The following MRC2 variants were observed in gnomAD, a reference collection of about 807,000 sequenced individuals.
The protein encoded by MRC2 is mannose receptor C-type 2.
A neutral mutation model predicts 206.2 loss-of-function variants in MRC2; 84 were observed. The observed-to-expected ratio is 0.41, with a 90% confidence interval of 0.34 to 0.49. MRC2 has a LOEUF of 0.49. Among genes scored for constraint, MRC2 ranks in the 20% least tolerant of loss-of-function variants. MRC2 has a pLI of 0.31. For missense variants in MRC2, 1,676 were observed against 2,001.5 expected, an observed-to-expected ratio of 0.84 and a Z score of 3.10; for synonymous variants, 798 against 800.0, an observed-to-expected ratio of 1.00 and a Z score of 0.04.
At chr17:62,634,564 G>T (rs1357330945) in intron 1 of MRC2, among the ~76,000 whole-genome samples, 1 of 152,246 alleles carries the variant, frequency 6.6e-6, no homozygotes, top group Non-Finnish European at 1.5e-5. Flanking sequence ...CTCCCAAAGT[G>T]CTGGGATTAC....
chr17:62,639,989 G>A (rs1035277877), intron 1 of MRC2, among the ~76,000 whole-genome samples: 1 of 147,028 alleles, frequency 6.8e-6, no homozygotes, highest in Admixed American at 6.8e-5. Flanking sequence ...GAGTAGCTGG[G>A]ATTACAGGCA....
At chr17:62,657,743 G>C (rs2460302) in intron 1 of MRC2, among the ~76,000 whole-genome samples, 77,682 of 151,966 alleles carry the variant, frequency 0.51, 21,516 homozygotes, top group East Asian at 0.81. Context: ...ATGAAGCACG[G>C]GTACAAAGAA....
rs530780586 is a variant in MRC2, at chr17:62,681,294, T to C, written c.2702+165T>C. On this transcript the variant is annotated intron_variant, in intron 18 of 29. Transcript: ENST00000303375. ...GGGCCTTGGTTTTCTCATCTGAAAATGGGAATATGAGGCCTGCCTGGTAAG... is the reference window on the plus strand; with the variant it reads ...GGGCCTTGGTTTTCTCATCTGAAAACGGGAATATGAGGCCTGCCTGGTAAG... 10 of 776,406 alleles carry C rather than the reference T, an allele frequency of 1.3e-5. No homozygotes were observed. In the East Asian group the frequency reaches 1.9e-4, roughly 15 times the overall value. The allele number at this position is 776,406 out of a possible 1,614,324, so 48.1% of individuals were successfully genotyped here.
chr17:62,644,606 T>C lies in MRC2; in HGVS notation c.118+16686T>C, dbSNP rs1004186077. 3.3e-5 allele frequency among the ~76,000 whole-genome samples: 5 copies of C among 152,286 alleles called. No individual in the cohort carries two copies. In the South Asian group the frequency reaches 8.3e-4, roughly 25 times the overall value. Reference sequence around the variant, plus strand: ...TGGAGTGGCAGCGGGCATCTTTTGCTTGTGATCAGTCAGTCACGTGACCCC... The same window carrying C: ...TGGAGTGGCAGCGGGCATCTTTTGCCTGTGATCAGTCAGTCACGTGACCCC... On this transcript the variant is annotated intron_variant, in intron 1 of 29. Coordinates refer to ENST00000303375, the MANE Select transcript of MRC2 (RefSeq NM_006039.5).
chr17:62,680,694 C>A lies in MRC2; in HGVS notation c.2474-106C>A. 1 of 1,349,546 alleles carries A rather than the reference C, an allele frequency of 7.4e-7. No individual in the cohort carries two copies. Among genetic ancestry groups the A allele is most frequent in the Non-Finnish European group, 9.6e-7 (1 of 1,036,664 alleles). The allele number at this position is 1,349,546 out of a possible 1,614,324, so 83.6% of individuals were successfully genotyped here. A position where few individuals can be genotyped will look rare whatever the true frequency, so the allele number is the denominator to read the frequency against. On this transcript the variant is annotated intron_variant, in intron 16 of 29. Transcript: ENST00000303375. The surrounding 1 kb of genome is among the most constrained non-coding windows in gnomAD (Gnocchi z 4.8). ...CCTGGGTCCGGTGTGCCTGCAGGCT[C>A]GCCTGCTGCCGCCTGGCTCTGCCCC...
At position 62,688,587 on chromosome 17, in the gene MRC2, C is replaced by T; in HGVS notation, c.3148C>T (p.Gln1050Ter). 6.2e-7 allele frequency: 1 copy of T among 1,614,244 alleles called. No individual in the cohort carries two copies. Among genetic ancestry groups the T allele is most frequent in the Non-Finnish European group, 8.5e-7 (1 of 1,180,044 alleles). The change falls in exon 22 of 30, where the codon CAG becomes TAG. Residue 1050 changes from glutamine (Q) to a stop codon, truncating the protein, a stop_gained. Coordinates refer to ENST00000303375, the MANE Select transcript of MRC2 (RefSeq NM_006039.5). LOFTEE classifies it high-confidence loss of function. Reference sequence around the variant, plus strand: ...GCAGAGGGACTTCCAGTGGGTGGAGCAGGAGCCTTTGATGTATGCCAACTG... The same window carrying T: ...GCAGAGGGACTTCCAGTGGGTGGAGTAGGAGCCTTTGATGTATGCCAACTG... The part of the protein sequence containing the change: ...ASQRDFQWVE[Q>*]EPLMYANWAP...
At chr17:62,677,624 T>A (rs1044155240) in intron 12 of MRC2, 138 bp downstream of exon 12, 1 of 727,840 alleles carries the variant, frequency 1.4e-6, no homozygotes, top group Non-Finnish European at 2.2e-6. Context: ...GTGAGACTTG[T>A]CCATGGAATC....
intron 20 of MRC2, among the ~76,000 whole-genome samples, chr17:62,685,275 A>T (rs1260412639): frequency 6.6e-6 from 1 of 152,166 alleles, no homozygotes; most frequent in East Asian, 1.9e-4. Context: ...CTCTCTAGAG[A>T]TCACAGCTAT....
Position 62,688,882 on chromosome 17 carries a change from T to G in MRC2, c.3256T>G (p.Ser1086Ala). The change falls in exon 23 of 30, where the codon TCA becomes GCA. Residue 1086 changes from serine (S) to alanine (A), a missense_variant. Ser to Ala is a moderately conservative substitution (Grantham distance 99, BLOSUM62 1). This residue lies in a region of MRC2 where 1,354 missense variants were observed against 1,636.6 expected (regional missense o/e 0.83). Transcript: ENST00000303375. ...TSCAVVLHSP[S>A]AHFTGRWDDR... Reference sequence around the variant, plus strand: ...CTGTGCAGTGGTCCTGCACAGCCCCTCAGCCCACTTCACTGGCCGCTGGGA... The same window carrying G: ...CTGTGCAGTGGTCCTGCACAGCCCCGCAGCCCACTTCACTGGCCGCTGGGA... 6.2e-7 allele frequency: 1 copy of G among 1,613,074 alleles called. No individual in the cohort carries two copies. The highest frequency in any genetic ancestry group is 8.5e-7 in the Non-Finnish European group (1 of 1,179,876).
chr17:62,689,257 ACCT>A (rs2089070668), intron 23 of MRC2: 1 of 583,816 alleles, frequency 1.7e-6, no homozygotes, highest in Non-Finnish European at 3.0e-6. Context: ...GGTCCAAGAC[ACCT>A]CCAGCTCCAT....
chr17:62,681,686 A>C, intron 18 of MRC2, 151 bp from the exon 19 acceptor site: 1 of 642,024 alleles, frequency 1.6e-6, no homozygotes, highest in Non-Finnish European at 2.7e-6. Context: ...GACTGCCCTG[A>C]GCTCAGTAGC....
At chr17:62,688,452 C>A in intron 21 of MRC2, 49 bp downstream of exon 21, 2 of 1,614,146 alleles carry the variant, frequency 1.2e-6, no homozygotes, top group Non-Finnish European at 1.7e-6. Flanking sequence ...CACTGTCCCC[C>A]CAAATAGCTA....
intron 1 of MRC2, among the ~76,000 whole-genome samples, chr17:62,628,259 C>G (rs1297267796): frequency 6.6e-6 from 1 of 152,076 alleles, no homozygotes; most frequent in Non-Finnish European, 1.5e-5. Flanking sequence ...GGCGCCGGCC[C>G]GTCCTCGGCA....
intron 1 of MRC2, among the ~76,000 whole-genome samples, chr17:62,637,488 A>T (rs1420020601): frequency 6.6e-6 from 1 of 151,488 alleles, no homozygotes; most frequent in Non-Finnish European, 1.5e-5. Context: ...GTGAGCTGAG[A>T]TCACGCCATT....
chr17:62,686,584 GT>G (rs1265102562), intron 20 of MRC2, among the ~76,000 whole-genome samples: 2 of 152,204 alleles, frequency 1.3e-5, no homozygotes, highest in Non-Finnish European at 2.9e-5. Flanking sequence ...GGGACCCCTG[GT>G]TTGTGGGACA....
In MRC2 at chr17:62,690,324, GCCCACAC is replaced by G. The variant is rs1258706935; in HGVS notation, c.3892+20_3892+26del. The G allele has an allele frequency of 1.3e-6, 2 of 1,592,894 alleles. No individual in the cohort carries two copies. Among genetic ancestry groups the G allele is most frequent in the Middle Eastern group, 1.7e-4 (1 of 5,824 alleles). Reference sequence around the variant, plus strand: ...CAGAGAGGTGGGTGACCAGGCCAGAGCCCACACATGGCGGGCAGGTGGCACCTCCTCT... The same window carrying G: ...CAGAGAGGTGGGTGACCAGGCCAGAGATGGCGGGCAGGTGGCACCTCCTCT... On this transcript the variant is annotated intron_variant, in intron 26 of 29. Transcript: ENST00000303375.
chr17:62,655,655 G>T (rs1204043256), intron 1 of MRC2, among the ~76,000 whole-genome samples: 1 of 147,530 alleles, frequency 6.8e-6, no homozygotes, highest in Non-Finnish European at 1.5e-5. Flanking sequence ...GGAATTCAAG[G>T]CTGCAGTGAG....
chr17:62,666,666 C>A lies in MRC2; in HGVS notation c.859+47C>A. Reference sequence around the variant, plus strand: ...GCTCGTGCCTCTGGAGGGCCCGGGCCCTTTCCGCTTGTGGGTTGGGGAGAG... The same window carrying A: ...GCTCGTGCCTCTGGAGGGCCCGGGCACTTTCCGCTTGTGGGTTGGGGAGAG... On this transcript the variant is annotated intron_variant, in intron 4 of 29. Coordinates refer to ENST00000303375, the MANE Select transcript of MRC2 (RefSeq NM_006039.5). This position sits in a 1 kb window ranked among gnomAD's most constrained non-coding sequence, Gnocchi z 5.0. 6.5e-7 allele frequency: 1 copy of A among 1,549,918 alleles called. No individual in the cohort carries two copies.
At chr17:62,637,260 G>A (rs1227913664) in intron 1 of MRC2, among the ~76,000 whole-genome samples, 1 of 152,202 alleles carries the variant, frequency 6.6e-6, no homozygotes, top group African/African-American at 2.4e-5. Context: ...AATCAGCCAT[G>A]TGTGATGGTG....
Sources: allele counts gnomAD v4.1 joint callset (sites outside exome capture counted in the v4.1 genomes callset), GRCh38; gene constraint gnomAD v4.1.1; regional missense constraint gnomAD v4.1.1; non-coding constraint Gnocchi (gnomAD v3.1); transcripts MANE v1.5; gene names NCBI Gene and HGNC (gene_info 2026-07-23, HGNC 2026-07-21).